CTDSP1: variants seen among roughly 807,000 people sequenced by gnomAD.
CTDSP1 encodes the protein CTD small phosphatase 1.
Under a neutral mutation model 32.5 loss-of-function variants are expected in CTDSP1, and 15 were observed. That is an observed-to-expected ratio of 0.46 (90% CI 0.31 to 0.71). CTDSP1 has a LOEUF of 0.71. Among genes scored for constraint, CTDSP1 ranks in the 30% least tolerant of loss-of-function variants. The pLI is 0.05. For missense variants in CTDSP1, 294 were observed against 351.1 expected, an observed-to-expected ratio of 0.84 and a Z score of 1.30; for synonymous variants, 185 against 145.4, an observed-to-expected ratio of 1.27 and a Z score of -1.96.
Position 218,401,619 on chromosome 2 carries a change from A to G in CTDSP1, c.123A>G (p.Ser41=). The change falls in exon 2 of 7, where the codon TCA becomes TCG. Residue 41 remains serine (S), a synonymous_variant. Transcript: ENST00000273062. Reference sequence around the variant, plus strand: ...CCCGAAGCCGGGGCATCCTCCACTCACTCTTCTGCTGTGTCTGCCGGGATG... The same window carrying G: ...CCCGAAGCCGGGGCATCCTCCACTCGCTCTTCTGCTGTGTCTGCCGGGATG... ...QKPRSRGILH[S]LFCCVCRDDG... The G allele has an allele frequency of 6.2e-7, 1 of 1,612,692 alleles. No homozygotes were observed. Among genetic ancestry groups the G allele is most frequent in the Non-Finnish European group, 8.5e-7 (1 of 1,179,600 alleles).
upstream of CTDSP1, chr2:218,398,691 CCACGG>C (rs1406330842): frequency 2.1e-5 from 7 of 330,558 alleles, no homozygotes; most frequent in Non-Finnish European, 3.3e-5. Context: ...CCCCGCCCCG[CCACGG>C]AGGCCCGCGG....
In CTDSP1 at chr2:218,400,035, G is replaced by T. The variant is rs910598314; in HGVS notation, c.-56G>T. The T allele has an allele frequency of 1.6e-5, 21 of 1,350,576 alleles. No individual in the cohort carries two copies. Among genetic ancestry groups the T allele is most frequent in the Admixed American group, 8.0e-5 (2 of 24,872 alleles). 83.7% of individuals were successfully genotyped at this position (1,350,576 alleles called of 1,614,324 possible). On this transcript the variant is annotated 5_prime_UTR_variant, in exon 1 of 7. Transcript: ENST00000273062. ...GCGCCCCGATTCCGGCCCCAGCCGG[G>T]GGGGAGGCCGGGCGCCCGGGCCAGA...
chr2:218,400,539 A>G, intron 1 of CTDSP1: 1 of 334,010 alleles, frequency 3.0e-6, no homozygotes, highest in South Asian at 2.2e-5. Context: ...ACTCCGCCCC[A>G]CCCCCCACCC....
upstream of CTDSP1, chr2:218,398,871 G>C (rs1559132914): frequency 6.4e-6 from 1 of 155,274 alleles, no homozygotes; most frequent in East Asian, 1.9e-4. Context: ...GGGGCTTGCA[G>C]CGAGAAGACA....
At chr2:218,397,473 T>G (rs1696879560), upstream of CTDSP1, among the ~76,000 whole-genome samples, 1 of 151,958 alleles carries the variant, frequency 6.6e-6, no homozygotes, top group Non-Finnish European at 1.5e-5. Flanking sequence ...GCTCCCCGCC[T>G]CCCCCTGGGT....
rs761474879 is a variant in CTDSP1 at position 218,401,723 on chromosome 2, G to T, written c.216+11G>T. 3.0e-5 allele frequency: 47 copies of T among 1,544,700 alleles called. No homozygotes were observed. Among genetic ancestry groups the T allele is most frequent in the Non-Finnish European group, 5.2e-6 (6 of 1,147,080 alleles). On this transcript the variant is annotated intron_variant, in intron 2 of 6. Coordinates refer to ENST00000273062, the MANE Select transcript of CTDSP1 (RefSeq NM_021198.3). ...GGCGCCATCCCTAAGGTGCGTGGGG[G>T]CCAGGTGGGGCCACGGGGGCACCTG...
At chr2:218,401,457 G>T in intron 1 of CTDSP1, 107 bp from the exon 2 acceptor site, 1 of 1,317,666 alleles carries the variant, frequency 7.6e-7, no homozygotes, top group Non-Finnish European at 1.1e-6. Context: ...CTGGATGAAG[G>T]GGCCACGGCA....
At chr2:218,398,392 C>A (rs1256547293), upstream of CTDSP1, 3 of 1,534,764 alleles carry the variant, frequency 2.0e-6, no homozygotes, top group Non-Finnish European at 2.6e-6. Flanking sequence ...CAGCGTGTGG[C>A]GATCACGGTG....
At chr2:218,397,990 G>C (rs1440519720), upstream of CTDSP1, among the ~76,000 whole-genome samples, 1 of 152,196 alleles carries the variant, frequency 6.6e-6, no homozygotes, top group Non-Finnish European at 1.5e-5. Context: ...GTGAGCTCAG[G>C]ATGGCGCGTC....
At position 218,402,679 on chromosome 2, in the gene CTDSP1, G is replaced by T. The variant is rs548273517; in HGVS notation, c.378+274G>T. On this transcript the variant is annotated intron_variant, in intron 4 of 6. Transcript: ENST00000273062. The stretch of plus-strand genomic sequence containing the variant: ...CAGTTCAAGTAATTCAGGATAGGTT[G>T]TGTGCTGTCCAGCCTGTTCTCCATT... 9.1e-6 allele frequency: 7 copies of T among 765,302 alleles called. No individual in the cohort carries two copies. The African/African-American group carries it at 1.2e-4, about 13-fold the overall frequency. The allele number at this position is 765,302 out of a possible 1,614,324, so 47.4% of individuals were successfully genotyped here.
chr2:218,403,512 G>C (rs552383908), intron 6 of CTDSP1, 95 bp downstream of exon 6: 6 of 1,194,774 alleles, frequency 5.0e-6, no homozygotes, highest in Non-Finnish European at 6.9e-6. Context: ...TCCCCAGTTG[G>C]GGGGTGGGTG....
At position 218,400,158 on chromosome 2, in the gene CTDSP1, G is replaced by A; in HGVS notation, c.67+1G>A. ...GCTCGGGGCCCGCTGCGGGGCAAAG[G>A]TACCGGGGCTGCGGGGAGGGGGCCG... On this transcript the variant is annotated splice_donor_variant, in intron 1 of 6. Transcript: ENST00000273062. LOFTEE classifies it high-confidence loss of function. 6.5e-7 allele frequency: 1 copy of A among 1,544,538 alleles called. No homozygotes were observed. The highest frequency in any genetic ancestry group is 8.7e-7 in the Non-Finnish European group (1 of 1,144,994).
chr2:218,400,273 C>G (rs1697047037), intron 1 of CTDSP1, 116 bp downstream of exon 1: 5 of 905,540 alleles, frequency 5.5e-6, no homozygotes, highest in Non-Finnish European at 6.7e-6. Context: ...TTAGCTGTGC[C>G]CGAAGCTCCC....
upstream of CTDSP1, among the ~76,000 whole-genome samples, chr2:218,398,026 C>T (rs1391432644): frequency 6.6e-6 from 1 of 152,162 alleles, no homozygotes; most frequent in African/African-American, 2.4e-5. Flanking sequence ...TGGGGACAGC[C>T]GGCCAGGTAC....
chr2:218,400,238 G>A, intron 1 of CTDSP1, 81 bp downstream of exon 1: 1 of 1,314,066 alleles, frequency 7.6e-7, no homozygotes, highest in Non-Finnish European at 1.0e-6. Context: ...CAGGGGAGCC[G>A]CCGCCGCCGC....
Position 218,403,019 on chromosome 2 carries a change from C to T in CTDSP1, c.379-16C>T, listed in dbSNP as rs368165173. The T allele has an allele frequency of 3.0e-5, 49 of 1,610,186 alleles. No individual in the cohort carries two copies. The African/African-American group carries it at 6.4e-4, about 21-fold the overall frequency. The stretch of plus-strand genomic sequence containing the variant: ...GCCCCACTGGCCCGCAGCCCCCTCA[C>T]TGGCCCGCCCCCCAGGTCTACGTGT... On this transcript the variant is annotated splice_polypyrimidine_tract_variant and intron_variant, in intron 4 of 6. Coordinates refer to ENST00000273062, the MANE Select transcript of CTDSP1 (RefSeq NM_021198.3).
chr2:218,404,434 A>G lies in CTDSP1; in HGVS notation c.*9A>G. ...CACGGCCAGGGAGCTAGTGAGGGTGATGGGGCCAGGACCTGCCCCTGACCA... is the reference window on the plus strand; with the variant it reads ...CACGGCCAGGGAGCTAGTGAGGGTGGTGGGGCCAGGACCTGCCCCTGACCA... On this transcript the variant is annotated 3_prime_UTR_variant, in exon 7 of 7. Coordinates refer to ENST00000273062, the MANE Select transcript of CTDSP1 (RefSeq NM_021198.3). The G allele has an allele frequency of 6.2e-7, 1 of 1,613,898 alleles. No individual in the cohort carries two copies. Among genetic ancestry groups the G allele is most frequent in the Non-Finnish European group, 8.5e-7 (1 of 1,179,926 alleles).
chr2:218,400,265 A>T, intron 1 of CTDSP1, 108 bp downstream of exon 1: 1 of 1,017,720 alleles, frequency 9.8e-7, no homozygotes, highest in Non-Finnish European at 1.4e-6. Context: ...CGGCCGCCTT[A>T]GCTGTGCCCG....
In CTDSP1 at chr2:218,402,027, G is replaced by C. The variant is rs1473498463; in HGVS notation, c.217-84G>C. 3 of 959,004 alleles carry C rather than the reference G, an allele frequency of 3.1e-6. No homozygotes were observed. Among genetic ancestry groups the C allele is most frequent in the African/African-American group, 3.2e-5 (2 of 61,760 alleles). 59.4% of individuals were successfully genotyped at this position (959,004 alleles called of 1,614,324 possible). A position where few individuals can be genotyped will look rare whatever the true frequency, so the allele number is the denominator to read the frequency against. The stretch of plus-strand genomic sequence containing the variant: ...GTTCCTGGGGCCTGGGGTTCCTCTG[G>C]AGACGGCTAGGGGGAGAAGCCTGCG... On this transcript the variant is annotated intron_variant, in intron 2 of 6. Coordinates refer to ENST00000273062, the MANE Select transcript of CTDSP1 (RefSeq NM_021198.3).
Sources: gnomAD v4.1 joint callset for allele counts (sites outside exome capture counted in the v4.1 genomes callset) on GRCh38, gnomAD v4.1.1 for gene constraint, MANE v1.5 for transcripts, NCBI Gene and HGNC (gene_info 2026-07-23, HGNC 2026-07-21) for gene names.